The following REC8 variants were observed in gnomAD, a reference collection of about 807,000 sequenced individuals.
REC8 encodes REC8 meiotic recombination protein, also known as meiotic recombination protein REC8 homolog.
A neutral mutation model predicts 78.3 loss-of-function variants in REC8; 42 were observed. The ratio of observed to expected loss-of-function variants is 0.54; its 90% CI spans 0.42 to 0.69. The LOEUF (loss-of-function observed/expected upper bound fraction) is 0.69, where lower values mean the gene tolerates loss of function less well. Ranked by LOEUF, REC8 falls within the 30% of genes least tolerant of loss-of-function variation. The pLI is 0.00. For synonymous variants in REC8, 268 were observed against 274.1 expected (o/e 0.98, Z 0.22); for missense variants, 581 against 715.8 (o/e 0.81, Z 2.15).
chr14:24,172,177 G>T lies in REC8; in HGVS notation c.-376G>T, dbSNP rs1397177210. 1 of 242,384 alleles carries T rather than the reference G, an allele frequency of 4.1e-6. No individual in the cohort carries two copies. The highest frequency in any genetic ancestry group is 2.3e-5 in the African/African-American group (1 of 44,296). The allele number at this position is 242,384 out of a possible 1,614,324, so 15.0% of individuals were successfully genotyped here. A position where few individuals can be genotyped will look rare whatever the true frequency, so the allele number is the denominator to read the frequency against. ...TCGCTCCCAGCGCTCGAGGACCGAG[G>T]CCTGCTGTGGAGGACACCGTGCTCC... On this transcript the variant is annotated 5_prime_UTR_variant, in exon 1 of 19. Coordinates refer to ENST00000611366, the MANE Select transcript of REC8 (RefSeq NM_001048205.2).
chr14:24,173,331 A>C lies in REC8; in HGVS notation c.382A>C (p.Thr128Pro). The C allele has an allele frequency of 6.2e-7, 1 of 1,613,944 alleles. No individual in the cohort carries two copies. The highest frequency in any genetic ancestry group is 8.5e-7 in the Non-Finnish European group (1 of 1,179,966). Residue 128 changes from threonine (T) to proline (P), a missense_variant, in exon 5 of 19, where the codon ACC (threonine) becomes CCC (proline). Transcript: ENST00000611366. Reference protein sequence around the residue: ...LLPNHLAMMETLEDAPDPFFG... With the variant: ...LLPNHLAMMEPLEDAPDPFFG... ...TCCTAACCACCTGGCCATGATGGAGACCCTAGAAGATGCTCCAGATCCCTT... is the reference window on the plus strand; with the variant it reads ...TCCTAACCACCTGGCCATGATGGAGCCCCTAGAAGATGCTCCAGATCCCTT...
intron 12 of REC8, 91 bp downstream of exon 12, chr14:24,178,313 G>T: frequency 1.7e-6 from 2 of 1,182,360 alleles, no homozygotes; most frequent in Non-Finnish European, 2.4e-6. Flanking sequence ...TCCTCAGGTG[G>T]GTGGGGGGAG....
chr14:24,179,107 C>G lies in REC8; in HGVS notation c.1226C>G (p.Pro409Arg), dbSNP rs772382519. 3 of 1,586,710 alleles carry G rather than the reference C, an allele frequency of 1.9e-6. No homozygotes were observed. In the African/African-American group the frequency reaches 4.1e-5, roughly 21 times the overall value. ...CAGGTCCCGAGGGAGGCCCTGGAGC[C>G]CAGTGTTCCCCTTATGGTGTCTTTA... ...EIEVPREALEPSVPLMVSLEI... is the reference protein window; with the variant it reads ...EIEVPREALERSVPLMVSLEI... The change falls in exon 15 of 19, where the codon CCC (proline) becomes CGC (arginine). Residue 409 changes from proline (P) to arginine (R), a missense_variant. Pro to Arg is a moderately radical substitution (Grantham distance 103). Coordinates refer to ENST00000611366, the MANE Select transcript of REC8 (RefSeq NM_001048205.2).
Position 24,179,073 on chromosome 14 carries a change from T to A in REC8, c.1204-12T>A. On this transcript the variant is annotated splice_polypyrimidine_tract_variant and intron_variant, in intron 14 of 18. Coordinates refer to ENST00000611366, the MANE Select transcript of REC8 (RefSeq NM_001048205.2). ...ATGCTTGGGGTCTTAGTTCTACTTC[T>A]CCCATCCCCAGGTCCCGAGGGAGGC... 1 of 1,606,860 alleles carries A rather than the reference T, an allele frequency of 6.2e-7. No homozygotes were observed.
Position 24,173,278 on chromosome 14 carries a change from C to T in REC8, c.342-13C>T, listed in dbSNP as rs200569927. 2 of 1,614,168 alleles carry T rather than the reference C, an allele frequency of 1.2e-6. No individual in the cohort carries two copies. The highest frequency in any genetic ancestry group is 3.3e-5 in the Admixed American group (2 of 60,030). On this transcript the variant is annotated splice_polypyrimidine_tract_variant and intron_variant, in intron 4 of 18. Transcript: ENST00000611366. ...CTCAGCCTCAGTCCTTCACGGCCTA[C>T]ATTCTCTCCCAGACCCAGCCTGCTG...
chr14:24,179,929 G>A (rs774836670), intron 18 of REC8, 23 bp downstream of exon 18: 9 of 1,614,106 alleles, frequency 5.6e-6, no homozygotes, highest in East Asian at 2.2e-5. Flanking sequence ...ATGTGTGTGT[G>A]TGTATGTGGG....
chr14:24,180,436 T>C (rs1034465028), downstream of REC8: 3 of 1,603,922 alleles, frequency 1.9e-6, no homozygotes, highest in African/African-American at 1.3e-5. Context: ...GGCTGCAGCC[T>C]GCAGTCTAGG....
chr14:24,178,894 T>C lies in REC8; in HGVS notation c.1181T>C (p.Ile394Thr), dbSNP rs201586333. ...GCCGCTGAGGAGGAAAGGAGAAAGA[T>C]TGAAGTTCCAAGTGAGATTGAGGTA... is the stretch of plus-strand genomic sequence containing the variant. ...EAAAEEERRK[I>T]EVPSEIEVPR... The change falls in exon 14 of 19, where the codon ATT becomes ACT. Residue 394 changes from isoleucine (I) to threonine (T), a missense_variant. Coordinates refer to ENST00000611366, the MANE Select transcript of REC8 (RefSeq NM_001048205.2). 231 of 1,613,164 alleles carry C rather than the reference T, an allele frequency of 1.4e-4. No individual in the cohort carries two copies. Among genetic ancestry groups the C allele is most frequent in the Middle Eastern group, 4.9e-4 (3 of 6,082 alleles).
intron 5 of REC8, 115 bp downstream of exon 5, chr14:24,173,526 G>T: frequency 6.5e-7 from 1 of 1,546,698 alleles, no homozygotes; most frequent in Admixed American, 1.8e-5. Context: ...TCTCCCACAG[G>T]AGATGGTGCA....
downstream of REC8, chr14:24,180,427 G>T: frequency 6.2e-7 from 1 of 1,601,652 alleles, no homozygotes; most frequent in Admixed American, 1.7e-5. Context: ...CTCTGGACTG[G>T]CTGCAGCCTG....
chr14:24,178,269 G>A, intron 12 of REC8, 47 bp downstream of exon 12: 1 of 1,546,474 alleles, frequency 6.5e-7, no homozygotes, highest in Non-Finnish European at 8.9e-7. Flanking sequence ...AGGCAGGGAT[G>A]ACCAGGGGCA....
At chr14:24,175,757 C>G (rs1439930519) in intron 6 of REC8, 133 bp downstream of exon 6, 2 of 641,810 alleles carry the variant, frequency 3.1e-6, no homozygotes, top group African/African-American at 3.7e-5. Flanking sequence ...GAGTCTCACT[C>G]TGTTGCCCAG....
chr14:24,174,746 G>A (rs1160891564), intron 5 of REC8, among the ~76,000 whole-genome samples: 3 of 152,022 alleles, frequency 2.0e-5, no homozygotes, highest in Non-Finnish European at 2.9e-5. Flanking sequence ...TCTACAAGTC[G>A]GGTTCTACAT....
In REC8 at chr14:24,178,821, G is replaced by A; in HGVS notation, c.1108G>A (p.Ala370Thr). ...ACTACTGGGTCTCTGGACCCATTGT[G>A]CCCAGCCACCCCCAAAAGCCCTCAG... ...PELLGLWTHCAQPPPKALRRE... is the reference protein window; with the variant it reads ...PELLGLWTHCTQPPPKALRRE... Residue 370 changes from alanine (A) to threonine (T), a missense_variant, in exon 14 of 19, where the codon GCC becomes ACC. Ala to Thr is a moderately conservative substitution (Grantham distance 58). Transcript: ENST00000611366. The A allele has an allele frequency of 6.2e-7, 1 of 1,613,814 alleles. No homozygotes were observed. Among genetic ancestry groups the A allele is most frequent in the Non-Finnish European group, 8.5e-7 (1 of 1,179,980 alleles).
In REC8 at chr14:24,180,019, C is replaced by T. The variant is rs377245718; in HGVS notation, c.1568C>T (p.Ala523Val). ...RVFYLLLVLS[A>V]QQILHVKQEK... ...CTCGCCTCTTGACCAGTGCTCTCAG[C>T]GCAACAGATTCTTCACGTGAAACAA... The change falls in exon 19 of 19, where the codon GCG (alanine) becomes GTG (valine). Residue 523 changes from alanine (A) to valine (V), a missense_variant. Coordinates refer to ENST00000611366, the MANE Select transcript of REC8 (RefSeq NM_001048205.2). 5.0e-6 allele frequency: 8 copies of T among 1,614,046 alleles called. No individual in the cohort carries two copies. Among genetic ancestry groups the T allele is most frequent in the African/African-American group, 4.0e-5 (3 of 74,914 alleles).
At chr14:24,176,476 T>G (rs1171826140) in intron 6 of REC8, among the ~76,000 whole-genome samples, 1 of 151,586 alleles carries the variant, frequency 6.6e-6, no homozygotes, top group African/African-American at 2.4e-5. Flanking sequence ...CCAGAGTAGC[T>G]GGGACCACAA....
At chr14:24,178,299 A>G (rs948353842) in intron 12 of REC8, 77 bp downstream of exon 12, 2 of 1,329,478 alleles carry the variant, frequency 1.5e-6, no homozygotes, top group Admixed American at 1.9e-5. Flanking sequence ...TGAGCCTTCC[A>G]AACTCCTCAG....
rs376608808 is a variant in REC8 at position 24,178,647 on chromosome 14, G to A, written c.1038G>A (p.Ala346=). ...CCGAGAGGACCATCAGAGGCCCTGC[G>A]GAGTTGTTCAGAACCCCAACTCTCT... ...QPPERTIRGP[A]ELFRTPTLSG... is the part of the protein sequence containing the mutation. The change falls in exon 13 of 19, where the codon GCG becomes GCA. Residue 346 remains alanine, a synonymous_variant. Transcript: ENST00000611366. 1.5e-4 allele frequency: 243 copies of A among 1,613,954 alleles called. No homozygotes were observed. The highest frequency in any genetic ancestry group is 1.8e-4 in the Non-Finnish European group (210 of 1,179,990).
downstream of REC8, chr14:24,180,589 G>A: frequency 1.2e-6 from 2 of 1,612,868 alleles, no homozygotes; most frequent in Non-Finnish European, 1.7e-6. Context: ...GGAGAGGGAG[G>A]GAGAAAGGTC....
Sources: gnomAD v4.1 joint callset for allele counts (sites outside exome capture counted in the v4.1 genomes callset) on GRCh38, gnomAD v4.1.1 for gene constraint, MANE v1.5 for transcripts, NCBI Gene and HGNC (gene_info 2026-07-23, HGNC 2026-07-21) for gene names.